CPQ: variants seen among roughly 807,000 people sequenced by gnomAD.
CPQ encodes the protein carboxypeptidase Q, also known as Ser-Met dipeptidase.
A neutral mutation model predicts 45.7 loss-of-function variants in CPQ; 37 were observed. The ratio of observed to expected loss-of-function variants is 0.81; its 90% CI spans 0.62 to 1.07. CPQ has a LOEUF of 1.07. Among genes scored for constraint, CPQ ranks in the 50% least tolerant of loss-of-function variants. The pLI is 0.00. For missense variants in CPQ, 537 were observed against 572.9 expected (o/e 0.94, Z 0.64); for synonymous variants, 186 against 205.8 (o/e 0.90, Z 0.82).
intron 6 of CPQ, among the ~76,000 whole-genome samples, chr8:97,049,700 T>A (rs1810324339): frequency 6.6e-6 from 1 of 152,180 alleles, no homozygotes; most frequent in African/African-American, 2.4e-5. Context: ...AAAACTACAT[T>A]AAATGCACAG....
chr8:96,882,061 T>C (rs556415415), intron 4 of CPQ, among the ~76,000 whole-genome samples: 3 of 152,338 alleles, frequency 2.0e-5, no homozygotes, highest in South Asian at 2.1e-4. Flanking sequence ...ACAAGTCTTA[T>C]GCACATGACT....
At chr8:96,938,241 A>G (rs1813079545) in intron 4 of CPQ, among the ~76,000 whole-genome samples, 2 of 152,120 alleles carry the variant, frequency 1.3e-5, no homozygotes, top group African/African-American at 4.8e-5. Flanking sequence ...TTCAAATTAG[A>G]ATAATTTAGA....
intron 1 of CPQ, among the ~76,000 whole-genome samples, chr8:96,768,144 G>A (rs902707489): frequency 3.3e-5 from 5 of 152,020 alleles, no homozygotes; most frequent in Admixed American, 1.3e-4. Context: ...TAGAAAACTT[G>A]TTTTATGAAT....
At chr8:96,977,381 A>G (rs533685544) in intron 5 of CPQ, among the ~76,000 whole-genome samples, 1 of 152,240 alleles carries the variant, frequency 6.6e-6, no homozygotes. Flanking sequence ...ACACTTTTAC[A>G]CTGATGGTGG....
intron 1 of CPQ, among the ~76,000 whole-genome samples, chr8:96,713,681 G>A (rs1358497882): frequency 1.3e-5 from 2 of 152,070 alleles, no homozygotes; most frequent in Non-Finnish European, 2.9e-5. Flanking sequence ...GGGGATTATG[G>A]GAACTACAAC....
intron 3 of CPQ, among the ~76,000 whole-genome samples, chr8:96,846,002 G>C (rs993616790): frequency 6.6e-6 from 1 of 152,058 alleles, no homozygotes; most frequent in Non-Finnish European, 1.5e-5. Flanking sequence ...ATTTTTAGTA[G>C]AGATAGGGTT....
intron 2 of CPQ, among the ~76,000 whole-genome samples, chr8:96,814,925 C>G (rs950307977): frequency 6.6e-6 from 1 of 152,064 alleles, no homozygotes; most frequent in Non-Finnish European, 1.5e-5. Context: ...TATATGATTC[C>G]ATTTATATAA....
intron 1 of CPQ, among the ~76,000 whole-genome samples, chr8:96,723,087 T>C (rs1809786858): frequency 6.6e-6 from 1 of 152,218 alleles, no homozygotes; most frequent in South Asian, 2.1e-4. Flanking sequence ...GCTTCAGTTA[T>C]CTTGAACATG....
intron 3 of CPQ, among the ~76,000 whole-genome samples, chr8:96,870,281 C>T (rs1315577313): frequency 6.6e-6 from 1 of 151,932 alleles, no homozygotes; most frequent in Non-Finnish European, 1.5e-5. Flanking sequence ...TCATTTCTTG[C>T]CCAGAGCACT....
chr8:96,981,036 A>G (rs1489797377), intron 5 of CPQ, among the ~76,000 whole-genome samples: 1 of 152,244 alleles, frequency 6.6e-6, no homozygotes, highest in Admixed American at 6.5e-5. Flanking sequence ...AATAGCTGTT[A>G]AGGTCAATAT....
At chr8:96,919,334 C>T (rs371258209) in intron 4 of CPQ, among the ~76,000 whole-genome samples, 1 of 152,228 alleles carries the variant, frequency 6.6e-6, no homozygotes, top group African/African-American at 2.4e-5. Context: ...GTCTGTGGCA[C>T]ATGCCATACT....
intron 4 of CPQ, among the ~76,000 whole-genome samples, chr8:96,925,963 C>T (rs941261900): frequency 2.0e-5 from 3 of 152,200 alleles, no homozygotes; most frequent in African/African-American, 7.2e-5. Context: ...GCTGATATTA[C>T]AGGCATGAGC....
chr8:96,841,986 G>A (rs899381007), intron 3 of CPQ, among the ~76,000 whole-genome samples: 3 of 152,184 alleles, frequency 2.0e-5, no homozygotes, highest in African/African-American at 7.2e-5. Flanking sequence ...CAAAGAGGGT[G>A]CTGATTAAAG....
At chr8:96,890,615 G>A (rs1563522038) in intron 4 of CPQ, among the ~76,000 whole-genome samples, 1 of 152,286 alleles carries the variant, frequency 6.6e-6, no homozygotes, top group East Asian at 1.9e-4. Flanking sequence ...ATTTTATCTT[G>A]ATAATCCGGA....
chr8:96,659,270 A>C (rs1815671553), intron 1 of CPQ: 1 of 152,234 alleles, frequency 6.6e-6, no homozygotes, highest in Non-Finnish European at 1.5e-5. Flanking sequence ...AATTTGTCAA[A>C]ATTACCATTT....
intron 6 of CPQ, among the ~76,000 whole-genome samples, chr8:97,061,214 T>C (rs1173680626): frequency 6.6e-6 from 1 of 152,190 alleles, no homozygotes; most frequent in Non-Finnish European, 1.5e-5. Context: ...TTTATTATTT[T>C]AGGCTTTTTA....
At chr8:96,847,803 C>T (rs944238013) in intron 3 of CPQ, among the ~76,000 whole-genome samples, 2 of 143,276 alleles carry the variant, frequency 1.4e-5, no homozygotes, top group Non-Finnish European at 3.0e-5. Context: ...CCAGCAATTG[C>T]TTCTGAGTTT....
At chr8:97,044,326 C>A (rs1810192900) in intron 6 of CPQ, among the ~76,000 whole-genome samples, 1 of 152,246 alleles carries the variant, frequency 6.6e-6, no homozygotes. Flanking sequence ...CCTTGGCTTT[C>A]AGCTCCATCA....
intron 4 of CPQ, among the ~76,000 whole-genome samples, chr8:96,915,857 G>A (rs1812726187): frequency 2.6e-5 from 4 of 152,136 alleles, no homozygotes; most frequent in South Asian, 4.1e-4. Context: ...AATTACTCAA[G>A]AGAACCTCCT....
Sources: allele counts gnomAD v4.1 joint callset (sites outside exome capture counted in the v4.1 genomes callset), GRCh38; gene constraint gnomAD v4.1.1; transcripts MANE v1.5; gene names NCBI Gene and HGNC (gene_info 2026-07-23, HGNC 2026-07-21).